SDK1: variants seen among roughly 807,000 people sequenced by gnomAD.
SDK1 encodes protein sidekick-1.
In SDK1, 157 loss-of-function variants were observed where a neutral mutation model predicts 245.5. The ratio of observed to expected loss-of-function variants is 0.64; its 90% CI spans 0.56 to 0.73. The LOEUF (loss-of-function observed/expected upper bound fraction) is 0.73. Ranked by LOEUF, SDK1 falls within the 30% of genes least tolerant of loss-of-function variation. The pLI, the probability that SDK1 is intolerant of heterozygous loss-of-function variation, is 0.00. For missense variants in SDK1, 3,583 were observed against 3,002.3 expected, an observed-to-expected ratio of 1.19 and a Z score of -4.52; for synonymous variants, 1,647 against 1,278.5, an observed-to-expected ratio of 1.29 and a Z score of -6.15.
At chr7:3,913,354 C>T (rs536304353) in intron 5 of SDK1, among the ~76,000 whole-genome samples, 133 of 146,914 alleles carry the variant, frequency 9.1e-4, no homozygotes, top group African/African-American at 3.2e-3. Flanking sequence ...AGTGCAGTGG[C>T]ACGATCTCGG....
intron 4 of SDK1, among the ~76,000 whole-genome samples, chr7:3,809,707 G>A (rs1465490793): frequency 1.3e-5 from 2 of 152,192 alleles, no homozygotes; most frequent in African/African-American, 2.4e-5. Context: ...AGCGGCTGCT[G>A]CGTATGCTTG....
chr7:3,385,517 C>A (rs533267160), intron 1 of SDK1, among the ~76,000 whole-genome samples: 244 of 152,136 alleles, frequency 1.6e-3, no homozygotes, highest in African/African-American at 5.7e-3. Context: ...TAAAAAAACT[C>A]CAGAATCTTC....
At chr7:3,834,585 C>T (rs909831185) in intron 5 of SDK1, among the ~76,000 whole-genome samples, 12 of 152,208 alleles carry the variant, frequency 7.9e-5, no homozygotes, top group Middle Eastern at 3.4e-3. Context: ...TGTCTATGAC[C>T]GGGAACTGCC....
intron 5 of SDK1, among the ~76,000 whole-genome samples, chr7:3,876,286 C>A (rs752352791): frequency 6.6e-6 from 1 of 152,264 alleles, no homozygotes; most frequent in Non-Finnish European, 1.5e-5. Flanking sequence ...CAGCATTTTC[C>A]CCAGTCTTCT....
chr7:3,739,731 G>T (rs1329211873), intron 4 of SDK1, among the ~76,000 whole-genome samples: 1 of 151,838 alleles, frequency 6.6e-6, no homozygotes. Context: ...TAATTTCAAG[G>T]TTTTTTTCTG....
chr7:3,959,115 T>A, intron 8 of SDK1, 101 bp downstream of exon 8: 1 of 915,898 alleles, frequency 1.1e-6, no homozygotes, highest in East Asian at 2.4e-5. Context: ...AGACATTGAG[T>A]GTGATGGCGA....
chr7:4,154,526 G>A (rs931269191), intron 30 of SDK1, among the ~76,000 whole-genome samples: 1 of 152,130 alleles, frequency 6.6e-6, no homozygotes, highest in Non-Finnish European at 1.5e-5. Context: ...GCTTCCTGGG[G>A]ACAAGTGAGG....
intron 4 of SDK1, among the ~76,000 whole-genome samples, chr7:3,800,529 C>T (rs1003642868): frequency 1.3e-5 from 2 of 152,090 alleles, no homozygotes; most frequent in Admixed American, 6.5e-5. Flanking sequence ...TTACAGGTGC[C>T]CACCACCACA....
intron 4 of SDK1, among the ~76,000 whole-genome samples, chr7:3,682,300 T>G (rs1413476174): frequency 6.6e-6 from 1 of 152,218 alleles, no homozygotes; most frequent in Non-Finnish European, 1.5e-5. Flanking sequence ...ATCTTGTCTT[T>G]CGATTCTGTC....
chr7:3,479,986 C>T (rs142537486), intron 1 of SDK1, among the ~76,000 whole-genome samples: 2 of 152,022 alleles, frequency 1.3e-5, no homozygotes, highest in Admixed American at 6.6e-5. Flanking sequence ...CAGAATAATG[C>T]CCCCTCACCT....
chr7:3,692,348 T>C (rs1425310140), intron 4 of SDK1, among the ~76,000 whole-genome samples: 1 of 152,136 alleles, frequency 6.6e-6, no homozygotes, highest in Non-Finnish European at 1.5e-5. Context: ...CTTTAGTGTG[T>C]ATATGTGTGT....
chr7:3,469,859 G>T (rs1425020527), intron 1 of SDK1, among the ~76,000 whole-genome samples: 1 of 152,160 alleles, frequency 6.6e-6, no homozygotes, highest in African/African-American at 2.4e-5. Context: ...TTCAGATCAG[G>T]TAGGTAAAGT....
intron 1 of SDK1, among the ~76,000 whole-genome samples, chr7:3,466,216 A>T (rs1434241770): frequency 2.0e-5 from 3 of 151,842 alleles, no homozygotes; most frequent in Non-Finnish European, 4.4e-5. Flanking sequence ...GGAGAGCCTT[A>T]GGAGTCCTAA....
At chr7:3,885,989 A>C (rs1781330087) in intron 5 of SDK1, among the ~76,000 whole-genome samples, 1 of 152,156 alleles carries the variant, frequency 6.6e-6, no homozygotes, top group Non-Finnish European at 1.5e-5. Context: ...ATTTCAGTGC[A>C]AGGGGTTTAT....
At chr7:4,123,318 G>A (rs1238358808) in intron 25 of SDK1, among the ~76,000 whole-genome samples, 1 of 152,092 alleles carries the variant, frequency 6.6e-6, no homozygotes, top group South Asian at 2.1e-4. Context: ...CGGATACGTT[G>A]TAGGTTTACA....
At chr7:3,542,876 C>G (rs906346021) in intron 1 of SDK1, among the ~76,000 whole-genome samples, 1 of 152,182 alleles carries the variant, frequency 6.6e-6, no homozygotes, top group Non-Finnish European at 1.5e-5. Context: ...AATTGATTTA[C>G]CTTCGCTTTA....
chr7:3,713,631 A>G (rs1199652045), intron 4 of SDK1, among the ~76,000 whole-genome samples: 3 of 152,222 alleles, frequency 2.0e-5, no homozygotes, highest in African/African-American at 7.2e-5. Context: ...TTCTGTTAGA[A>G]TAAGATCCCA....
intron 1 of SDK1, among the ~76,000 whole-genome samples, chr7:3,587,065 C>G (rs749666846): frequency 6.6e-6 from 1 of 152,250 alleles, no homozygotes; most frequent in Non-Finnish European, 1.5e-5. Flanking sequence ...GGCTGAGGCC[C>G]TGTCAGAGAG....
intron 5 of SDK1, among the ~76,000 whole-genome samples, chr7:3,897,793 G>A (rs142943100): frequency 5.8e-4 from 88 of 152,060 alleles, no homozygotes; most frequent in Middle Eastern, 6.8e-3. Context: ...TGAAATAAAT[G>A]GTTATAGTTA....
Sources: gnomAD v4.1 joint callset for allele counts (sites outside exome capture counted in the v4.1 genomes callset) on GRCh38, gnomAD v4.1.1 for gene constraint, MANE v1.5 for transcripts, NCBI Gene and HGNC (gene_info 2026-07-23, HGNC 2026-07-21) for gene names.